TRIM69: variants seen among roughly 807,000 people sequenced by gnomAD.
The protein encoded by TRIM69 is tripartite motif containing 69, also known as E3 ubiquitin-protein ligase TRIM69.
In TRIM69, 29 loss-of-function variants were observed where a neutral mutation model predicts 37.7. That is an observed-to-expected ratio of 0.77 (90% CI 0.57 to 1.05). TRIM69 has a LOEUF of 1.05. Among genes scored for constraint, TRIM69 ranks in the 50% least tolerant of loss-of-function variants. The pLI, the probability that TRIM69 is intolerant of heterozygous loss-of-function variation, is 0.00. For missense variants in TRIM69, 596 were observed against 579.9 expected (o/e 1.03, Z -0.28); for synonymous variants, 209 against 212.4 (o/e 0.98, Z 0.14).
chr15:44,766,298 C>A (rs1023370269), intron 6 of TRIM69, among the ~76,000 whole-genome samples: 1 of 152,204 alleles, frequency 6.6e-6, no homozygotes. Flanking sequence ...AGACTGTTAA[C>A]CACATGGTAT....
rs775305195 is a variant in TRIM69 at position 44,759,759 on chromosome 15, G to A, written c.848G>A (p.Gly283Glu). The A allele has an allele frequency of 6.1e-5, 99 of 1,614,074 alleles. No homozygotes were observed. The highest frequency in any genetic ancestry group is 8.2e-5 in the Non-Finnish European group (97 of 1,180,044). ...TATGTGCCCTGCAGCTTGGAGCAAG[G>A]AATGAAGGTGCTGGCAACCAGAGAG... is the stretch of plus-strand genomic sequence containing the variant. ...ITTLLHSLEQ[G>E]MKVLATRELI... The change falls in exon 6 of 7, where the codon GGA (glycine) becomes GAA (glutamate). Residue 283 changes from glycine to glutamate, a missense_variant. Coordinates refer to ENST00000329464, the MANE Select transcript of TRIM69 (RefSeq NM_182985.5).
chr15:44,763,648 C>A (rs2087826862), intron 6 of TRIM69, among the ~76,000 whole-genome samples: 1 of 152,124 alleles, frequency 6.6e-6, no homozygotes, highest in South Asian at 2.1e-4. Flanking sequence ...TACTGGATGC[C>A]AAATATGATG....
At chr15:44,758,965 A>C in intron 4 of TRIM69, 111 bp downstream of exon 4, 1 of 1,340,076 alleles carries the variant, frequency 7.5e-7, no homozygotes. Flanking sequence ...AAAACAAAAC[A>C]AAACAAAACT....
intron 1 of TRIM69, among the ~76,000 whole-genome samples, chr15:44,743,846 A>T (rs1188392449): frequency 6.6e-6 from 1 of 152,238 alleles, no homozygotes; most frequent in African/African-American, 2.4e-5. Context: ...GAACACTTTT[A>T]CACTGTTGGT....
rs1324450551 is a variant in TRIM69, at chr15:44,767,528, A to G, written c.1259A>G (p.Asn420Ser). Reference protein sequence around the residue: ...EQGFWLLRLRNQTDLKALDLP... With the variant: ...EQGFWLLRLRSQTDLKALDLP... ...GGATTCTGGCTTTTAAGACTAAGGA[A>G]CCAAACTGATCTAAAGGCTCTGGAT... Residue 420 changes from asparagine to serine, a missense_variant, in exon 7 of 7, where the codon AAC becomes AGC. Physicochemically the swap from Asn to Ser is conservative, Grantham distance 46 (BLOSUM62 1). Transcript: ENST00000329464. 1 of 1,614,080 alleles carries G rather than the reference A, an allele frequency of 6.2e-7. No individual in the cohort carries two copies. Among genetic ancestry groups the G allele is most frequent in the African/African-American group, 1.3e-5 (1 of 74,930 alleles).
intron 3 of TRIM69, 78 bp downstream of exon 3, chr15:44,756,541 T>C: frequency 1.0e-6 from 1 of 965,152 alleles, no homozygotes; most frequent in African/African-American, 1.6e-5. Context: ...GGTACAAAGG[T>C]GCCTAACATA....
chr15:44,763,777 C>T (rs955328345), intron 6 of TRIM69, among the ~76,000 whole-genome samples: 1 of 152,122 alleles, frequency 6.6e-6, no homozygotes, highest in African/African-American at 2.4e-5. Context: ...CATGGTATGA[C>T]ATCATTTTGT....
chr15:44,746,237 A>G (rs921049888), intron 1 of TRIM69, among the ~76,000 whole-genome samples: 2 of 152,206 alleles, frequency 1.3e-5, no homozygotes, highest in African/African-American at 4.8e-5. Context: ...ATAATCCACA[A>G]AGAATTTTGT....
At chr15:44,738,855 C>A (rs1276717662) in intron 1 of TRIM69, among the ~76,000 whole-genome samples, 1 of 152,150 alleles carries the variant, frequency 6.6e-6, no homozygotes, top group Non-Finnish European at 1.5e-5. Flanking sequence ...TGTAAATCCT[C>A]TTCCACAGTG....
In TRIM69 at chr15:44,767,481, C is replaced by T. The variant is rs981469565; in HGVS notation, c.1212C>T (p.Ser404=). 8.7e-6 allele frequency: 14 copies of T among 1,614,076 alleles called. No individual in the cohort carries two copies. Among genetic ancestry groups the T allele is most frequent in the African/African-American group, 1.3e-5 (1 of 74,930 alleles). The change falls in exon 7 of 7, where the codon AGC becomes AGT. Residue 404 remains serine, a synonymous_variant. Coordinates refer to ENST00000329464, the MANE Select transcript of TRIM69 (RefSeq NM_182985.5). ...GAGAATCCATCATTCGGAAGGGCAGCTGTCCTCTAACTCCTGAGCAAGGAT... is the reference window on the plus strand; with the variant it reads ...GAGAATCCATCATTCGGAAGGGCAGTTGTCCTCTAACTCCTGAGCAAGGAT... ...VVRESIIRKG[S]CPLTPEQGFW... is the part of the protein sequence containing the mutation.
At chr15:44,743,293 C>T (rs1714839467) in intron 1 of TRIM69, among the ~76,000 whole-genome samples, 1 of 152,180 alleles carries the variant, frequency 6.6e-6, no homozygotes. Flanking sequence ...CCCTTCCCTA[C>T]ACCTTATACA....
Position 44,736,587 on chromosome 15 carries a change from T to C in TRIM69, c.-118T>C. On this transcript the variant is annotated 5_prime_UTR_variant, in exon 1 of 7. An upstream start codon of the reference 5' UTR is lost. Transcript: ENST00000329464. ...TCCTGAACTTTTCTTTCTTCCATCA[T>C]GCTCTGAGCCCATTCCTTGAAAACT... 2 of 1,229,342 alleles carry C rather than the reference T, an allele frequency of 1.6e-6. No homozygotes were observed. The highest frequency in any genetic ancestry group is 2.3e-6 in the Non-Finnish European group (2 of 883,070). 76.2% of individuals were successfully genotyped at this position (1,229,342 alleles called of 1,614,324 possible). A position where few individuals can be genotyped will look rare whatever the true frequency, so the allele number is the denominator to read the frequency against.
chr15:44,744,956 G>A (rs2087372062), intron 1 of TRIM69, among the ~76,000 whole-genome samples: 1 of 150,998 alleles, frequency 6.6e-6, no homozygotes, highest in Non-Finnish European at 1.5e-5. Context: ...TAACCAAAAA[G>A]CTGAGAAAGA....
At position 44,759,823 on chromosome 15, in the gene TRIM69, T is replaced by TC; in HGVS notation, c.914dup (p.Ile306TyrfsTer25). Reference sequence around the variant, plus strand: ...AGCTGAACCTGGGCCAGTACAAAGGTCCTATCCAGTACATGGTATGGAGGG... The same window carrying TC: ...AGCTGAACCTGGGCCAGTACAAAGGTCCCTATCCAGTACATGGTATGGAGGG... On this transcript the variant is annotated frameshift_variant, in exon 6 of 7. Transcript: ENST00000329464. LOFTEE classifies it high-confidence loss of function. 1 of 1,614,112 alleles carries TC rather than the reference T, an allele frequency of 6.2e-7. No homozygotes were observed. The highest frequency in any genetic ancestry group is 8.5e-7 in the Non-Finnish European group (1 of 1,179,994).
chr15:44,752,685 C>T (rs2087560163), intron 1 of TRIM69, among the ~76,000 whole-genome samples: 1 of 152,018 alleles, frequency 6.6e-6, no homozygotes, highest in Admixed American at 6.6e-5. Context: ...TTTTTTGTTT[C>T]TAAATTCCTT....
chr15:44,740,571 A>G (rs1395710026), intron 1 of TRIM69, among the ~76,000 whole-genome samples: 1 of 152,220 alleles, frequency 6.6e-6, no homozygotes, highest in Non-Finnish European at 1.5e-5. Context: ...CAGGAAACCC[A>G]TCTCACATGC....
chr15:44,737,265 A>C (rs2087181646), intron 1 of TRIM69, among the ~76,000 whole-genome samples: 1 of 152,168 alleles, frequency 6.6e-6, no homozygotes, highest in Admixed American at 6.5e-5. Flanking sequence ...TTGAATCCTG[A>C]GTTATCATCC....
intron 1 of TRIM69, 122 bp downstream of exon 1, chr15:44,736,832 C>T: frequency 9.0e-7 from 1 of 1,107,940 alleles, no homozygotes; most frequent in Admixed American, 2.4e-5. Context: ...AAGTATTTAA[C>T]TTGTGACAGC....
At chr15:44,767,128 G>C (rs2087912027) in intron 6 of TRIM69, 103 bp from the exon 7 acceptor site, 4 of 698,442 alleles carry the variant, frequency 5.7e-6, no homozygotes, top group Non-Finnish European at 9.2e-6. Flanking sequence ...TATGTGTATG[G>C]GGAGATAAAG....
Sources: allele counts gnomAD v4.1 joint callset (sites outside exome capture counted in the v4.1 genomes callset), GRCh38; gene constraint gnomAD v4.1.1; transcripts MANE v1.5; gene names NCBI Gene and HGNC (gene_info 2026-07-23, HGNC 2026-07-21).